The following EPM2A variants were observed in gnomAD, a reference collection of about 807,000 sequenced individuals.
EPM2A encodes the protein laforin.
In EPM2A, 21 loss-of-function variants were observed where a neutral mutation model predicts 26.5. The ratio of observed to expected loss-of-function variants is 0.79; its 90% CI spans 0.56 to 1.14. The LOEUF (loss-of-function observed/expected upper bound fraction) is 1.14, where lower values mean the gene tolerates loss of function less well. EPM2A is among the 50% of genes most tolerant of loss of function. The pLI, the probability that EPM2A is intolerant of heterozygous loss-of-function variation, is 0.00. For synonymous variants in EPM2A, 217 were observed against 177.6 expected (o/e 1.22, Z -1.76); for missense variants, 458 against 440.8 (o/e 1.04, Z -0.35).
intron 4 of EPM2A, among the ~76,000 whole-genome samples, chr6:145,448,053 C>T (rs533344461): frequency 6.6e-6 from 1 of 151,982 alleles, no homozygotes; most frequent in Non-Finnish European, 1.5e-5. Flanking sequence ...CAATTACTGC[C>T]TAATTCTTCA....
intron 2 of EPM2A, among the ~76,000 whole-genome samples, chr6:145,535,814 A>G (rs761110040): frequency 2.0e-5 from 3 of 152,202 alleles, no homozygotes; most frequent in Non-Finnish European, 2.9e-5. Context: ...TCTTCTGATA[A>G]TGCTCTTGGT....
At chr6:145,419,185 C>CCT (rs1228619468) in intron 4 of EPM2A, among the ~76,000 whole-genome samples, 1 of 149,126 alleles carries the variant, frequency 6.7e-6, no homozygotes, top group Non-Finnish European at 1.5e-5. Flanking sequence ...AAATGTCCCC[C>CCT]CCCCCCGCTC....
downstream of EPM2A, among the ~76,000 whole-genome samples, chr6:145,620,694 C>T (rs535680711): frequency 6.6e-6 from 1 of 152,272 alleles, no homozygotes; most frequent in East Asian, 1.9e-4. Context: ...GTCCAGCTCT[C>T]CATTCTTTCA....
intron 4 of EPM2A, among the ~76,000 whole-genome samples, chr6:145,447,499 A>G (rs2114705966): frequency 6.6e-6 from 1 of 151,960 alleles, no homozygotes; most frequent in East Asian, 1.9e-4. Flanking sequence ...CTTTCTTTCT[A>G]TCTCTGTCTT....
At position 145,626,049 on chromosome 6, in the gene EPM2A, C is replaced by A. The variant is rs771751602; in HGVS notation, c.*1367G>T. On this transcript the variant is annotated 3_prime_UTR_variant, in exon 4 of 4. Transcript: ENST00000367519. ...CATCTTTATCATGGAGATAATGAGACCTTCTTCATTGGATATTGTGAAGAT... is the reference window on the plus strand; with the variant it reads ...CATCTTTATCATGGAGATAATGAGAACTTCTTCATTGGATATTGTGAAGAT... 102 of 1,133,700 alleles carry A rather than the reference C, an allele frequency of 9.0e-5. No homozygotes were observed. Among genetic ancestry groups the A allele is most frequent in the Non-Finnish European group, 1.1e-4 (95 of 898,584 alleles). The allele number at this position is 1,133,700 out of a possible 1,614,324, so 70.2% of individuals were successfully genotyped here. A position where few individuals can be genotyped will look rare whatever the true frequency, so the allele number is the denominator to read the frequency against.
At chr6:145,514,212 A>C (rs1020372217) in intron 2 of EPM2A, among the ~76,000 whole-genome samples, 1 of 152,198 alleles carries the variant, frequency 6.6e-6, no homozygotes, top group Non-Finnish European at 1.5e-5. Context: ...ACTTCACTAG[A>C]GGCAGTTATC....
At chr6:145,615,402 AC>A (rs1373371161) in intron 2 of EPM2A, among the ~76,000 whole-genome samples, 1 of 151,584 alleles carries the variant, frequency 6.6e-6, no homozygotes, top group Admixed American at 6.6e-5. Context: ...GTCCATTAAA[AC>A]CCTTTTTCCT....
At chr6:145,698,387 T>C (rs1781733509) in intron 1 of EPM2A, among the ~76,000 whole-genome samples, 1 of 152,208 alleles carries the variant, frequency 6.6e-6, no homozygotes, top group Admixed American at 6.5e-5. Context: ...TTGACAAAGC[T>C]TAGCCTTGGA....
chr6:145,575,986 C>T (rs113021600), intron 2 of EPM2A, among the ~76,000 whole-genome samples: 10,200 of 152,238 alleles, frequency 0.067, 1,147 homozygotes, highest in African/African-American at 0.23. Context: ...CAGGCATGTG[C>T]CACCACGCCT....
At chr6:145,666,167 A>T (rs1779170822) in intron 2 of EPM2A, among the ~76,000 whole-genome samples, 1 of 135,696 alleles carries the variant, frequency 7.4e-6, no homozygotes, top group Non-Finnish European at 1.6e-5. Context: ...GGCCAGGGCA[A>T]TCAGGCAGAA....
At chr6:145,686,798 A>G (rs1432281701) in intron 1 of EPM2A, 2 of 163,034 alleles carry the variant, frequency 1.2e-5, no homozygotes, top group African/African-American at 4.8e-5. Flanking sequence ...CTTTACAGGT[A>G]AAACAGTTAT....
At chr6:145,525,180 T>A (rs1200706640) in intron 2 of EPM2A, among the ~76,000 whole-genome samples, 1 of 152,080 alleles carries the variant, frequency 6.6e-6, no homozygotes, top group Non-Finnish European at 1.5e-5. Flanking sequence ...AGCCTTACAG[T>A]ACAGTTTGAA....
chr6:145,406,235 C>T (rs1434986203), intron 4 of EPM2A, among the ~76,000 whole-genome samples: 2 of 152,094 alleles, frequency 1.3e-5, no homozygotes, highest in Non-Finnish European at 2.9e-5. Flanking sequence ...ACTAAAATCA[C>T]TCATTTTCAT....
intron 4 of EPM2A, among the ~76,000 whole-genome samples, chr6:145,489,462 G>A (rs1351345871): frequency 6.6e-6 from 1 of 152,024 alleles, no homozygotes; most frequent in Non-Finnish European, 1.5e-5. Flanking sequence ...CCCTCCTCTG[G>A]CATTGAGCTG....
chr6:145,400,379 T>A (rs999054868), intron 4 of EPM2A, among the ~76,000 whole-genome samples: 2 of 152,182 alleles, frequency 1.3e-5, no homozygotes, highest in Non-Finnish European at 2.9e-5. Context: ...CTCATTATAC[T>A]CCCTCCCTCA....
At chr6:145,630,890 C>G (rs1378282593) in intron 3 of EPM2A, 2 of 152,142 alleles carry the variant, frequency 1.3e-5, no homozygotes, top group African/African-American at 4.8e-5. Context: ...CAGACATTTG[C>G]CCAAGGTTAT....
intron 4 of EPM2A, among the ~76,000 whole-genome samples, chr6:145,435,921 C>T (rs544178590): frequency 2.0e-4 from 30 of 152,194 alleles, no homozygotes; most frequent in African/African-American, 7.0e-4. Flanking sequence ...TGTCTTTTTA[C>T]GACTGATTAC....
chr6:145,693,800 T>C (rs973010923), intron 1 of EPM2A, among the ~76,000 whole-genome samples: 53 of 152,178 alleles, frequency 3.5e-4, no homozygotes, highest in African/African-American at 1.2e-3. Context: ...ATTGGTTTAA[T>C]TAACAAAAAC....
chr6:145,633,363 G>C (rs1406192528), intron 3 of EPM2A, among the ~76,000 whole-genome samples: 1 of 152,156 alleles, frequency 6.6e-6, no homozygotes, highest in African/African-American at 2.4e-5. Flanking sequence ...AGCTGGACAA[G>C]GTAAATATCA....
Sources: allele counts gnomAD v4.1 joint callset (sites outside exome capture counted in the v4.1 genomes callset), GRCh38; gene constraint gnomAD v4.1.1; transcripts MANE v1.5; gene names NCBI Gene and HGNC (gene_info 2026-07-23, HGNC 2026-07-21).